CCDC171: variants seen among roughly 807,000 people sequenced by gnomAD.
The protein encoded by CCDC171 is coiled-coil domain containing 171.
In CCDC171, 177 loss-of-function variants were observed where a neutral mutation model predicts 168.2. That is an observed-to-expected ratio of 1.05 (90% confidence interval 0.93 to 1.19). The LOEUF is 1.19. CCDC171 is among the 50% of genes most tolerant of loss of function. The probability of loss-of-function intolerance (pLI) is 0.00; values close to 1 mark genes in which losing one functional copy is unlikely to be tolerated. For synonymous variants in CCDC171, 687 were observed against 540.8 expected, an observed-to-expected ratio of 1.27 and a Z score of -3.75; for missense variants, 1,991 against 1,539.0, an observed-to-expected ratio of 1.29 and a Z score of -4.91.
At chr9:15,918,666 G>A (rs1432140641) in intron 24 of CCDC171, among the ~76,000 whole-genome samples, 1 of 151,630 alleles carries the variant, frequency 6.6e-6, no homozygotes. Flanking sequence ...TCCCAGGTAA[G>A]AAGTCATATA....
At chr9:16,036,071 A>T (rs1055205673) in intron 7 of CCDC171, 2 of 152,170 alleles carry the variant, frequency 1.3e-5, no homozygotes, top group African/African-American at 4.8e-5. Flanking sequence ...TCCTCTAATG[A>T]TCACTTCTTC....
intron 24 of CCDC171, among the ~76,000 whole-genome samples, chr9:15,888,672 G>A (rs1819768295): frequency 1.3e-5 from 2 of 151,986 alleles, no homozygotes; most frequent in Non-Finnish European, 2.9e-5. Context: ...AGTAAAATAT[G>A]ACCCTATAGA....
intron 21 of CCDC171, among the ~76,000 whole-genome samples, chr9:15,785,140 G>T (rs1034826349): frequency 6.6e-6 from 1 of 152,058 alleles, no homozygotes; most frequent in African/African-American, 2.4e-5. Flanking sequence ...GGTTTGGTTA[G>T]AAAGAGTTGT....
chr9:16,027,935 C>T (rs1481724235), intron 6 of CCDC171, among the ~76,000 whole-genome samples: 3 of 152,138 alleles, frequency 2.0e-5, no homozygotes, highest in Admixed American at 6.5e-5. Context: ...TATATCTTCC[C>T]ATATTATTTC....
chr9:15,716,621 T>G (rs1192596430), intron 11 of CCDC171, among the ~76,000 whole-genome samples: 2 of 152,146 alleles, frequency 1.3e-5, no homozygotes, highest in Non-Finnish European at 2.9e-5. Flanking sequence ...TTCTTACAGT[T>G]CTGGAGGCTG....
chr9:15,779,617 C>G (rs1025879629), intron 20 of CCDC171, among the ~76,000 whole-genome samples: 16 of 152,318 alleles, frequency 1.1e-4, no homozygotes, highest in Middle Eastern at 6.8e-3. Flanking sequence ...ACCTCAGCCT[C>G]CCAAAGTGCT....
rs758652593 is a variant in CCDC171 at position 15,874,599 on chromosome 9, A to G, written c.3536A>G (p.Lys1179Arg). 6.2e-6 allele frequency: 10 copies of G among 1,607,206 alleles called. No homozygotes were observed. Among genetic ancestry groups the G allele is most frequent in the Middle Eastern group, 3.3e-4 (2 of 6,026 alleles). ...SRNDFTLQLP[K>R]LHLETFAMEG... ...AATGACTTCACCCTACAGCTACCCAAACTGCACCTGGAGACCTTTGCAATG... is the reference window on the plus strand; with the variant it reads ...AATGACTTCACCCTACAGCTACCCAGACTGCACCTGGAGACCTTTGCAATG... Residue 1179 changes from lysine (K) to arginine (R), a missense_variant, in exon 24 of 26, where the codon AAA (lysine) becomes AGA (arginine). By Grantham distance (26) the Lys-to-Arg change is conservative (BLOSUM62 2). Coordinates refer to ENST00000380701, the MANE Select transcript of CCDC171 (RefSeq NM_173550.4).
At chr9:16,087,744 C>A in the CCDC171 span, among the ~76,000 whole-genome samples, 8 of 151,938 alleles carry the variant, frequency 5.3e-5, no homozygotes, top group Non-Finnish European at 1.5e-5. Flanking sequence ...AGCCCATTTA[C>A]ATTTAAGGTT....
intron 16 of CCDC171, among the ~76,000 whole-genome samples, chr9:15,730,183 C>G (rs1177874275): frequency 6.6e-6 from 1 of 151,312 alleles, no homozygotes; most frequent in Non-Finnish European, 1.5e-5. Context: ...GTGGAGGTTC[C>G]TATGTGAACC....
chr9:16,036,528 C>T (rs1418837489), intron 8 of CCDC171, among the ~76,000 whole-genome samples: 1 of 152,196 alleles, frequency 6.6e-6, no homozygotes, highest in South Asian at 2.1e-4. Context: ...CCTGTAGTCC[C>T]AGCTACTCAG....
chr9:15,583,348 G>T (rs1431577514), intron 4 of CCDC171, among the ~76,000 whole-genome samples: 2 of 147,354 alleles, frequency 1.4e-5, no homozygotes, highest in Admixed American at 7.0e-5. Flanking sequence ...GGAGGCAGAG[G>T]TTGCAGTGAG....
intron 23 of CCDC171, among the ~76,000 whole-genome samples, chr9:15,863,570 G>T (rs1210837789): frequency 6.6e-6 from 1 of 151,220 alleles, no homozygotes; most frequent in Non-Finnish European, 1.5e-5. Flanking sequence ...TTTATATTTT[G>T]CTTCTTTTTT....
intron 23 of CCDC171, among the ~76,000 whole-genome samples, chr9:15,852,252 A>C (rs79844979): frequency 6.6e-6 from 1 of 151,722 alleles, no homozygotes; most frequent in Admixed American, 6.6e-5. Context: ...TGTTAGTTTC[A>C]ATTTTTGTTA....
chr9:15,713,454 C>A (rs2052834896), intron 11 of CCDC171, among the ~76,000 whole-genome samples: 1 of 152,040 alleles, frequency 6.6e-6, no homozygotes, highest in South Asian at 2.1e-4. Flanking sequence ...CTTATTTGTG[C>A]CTTCGGGACT....
In CCDC171 at chr9:15,969,595, C is replaced by G. The variant is rs1288465347; in HGVS notation, c.3754-2014C>G. ...CATACATAGTTTTCTTAGACCAGAACTTGAAGTATAAAGATGTATCAAAAC... is the reference window on the plus strand; with the variant it reads ...CATACATAGTTTTCTTAGACCAGAAGTTGAAGTATAAAGATGTATCAAAAC... On this transcript the variant is annotated intron_variant, in intron 25 of 25. Transcript: ENST00000380701. Among the ~76,000 whole-genome samples, 2 of 152,108 alleles carry G rather than the reference C, an allele frequency of 1.3e-5. 1 individual carries two copies. Among genetic ancestry groups the G allele is most frequent in the Admixed American group, 1.3e-4 (2 of 15,260 alleles).
At chr9:15,947,350 T>A (rs1828528779) in intron 25 of CCDC171, among the ~76,000 whole-genome samples, 1 of 151,948 alleles carries the variant, frequency 6.6e-6, no homozygotes, top group Non-Finnish European at 1.5e-5. Context: ...AAACAGTAAT[T>A]TCCCATTTCC....
chr9:15,561,204 G>T (rs887775727), intron 1 of CCDC171, among the ~76,000 whole-genome samples: 3 of 152,180 alleles, frequency 2.0e-5, no homozygotes, highest in African/African-American at 7.2e-5. Flanking sequence ...TGGGGTTGGT[G>T]TAGAGTGAAA....
intron 3 of CCDC171, among the ~76,000 whole-genome samples, chr9:15,988,936 C>A (rs929993753): frequency 6.6e-6 from 1 of 152,086 alleles, no homozygotes; most frequent in African/African-American, 2.4e-5. Context: ...CCGGGAAGCT[C>A]GAACTGGGTG....
rs992824929 is a variant in CCDC171 at position 16,002,121 on chromosome 9, C to T, written n.369-18468C>T. ...GGAATTACAGGCATGAGTCACCATG[C>T]CCAGCCTACTATCATTTTTTTTTTT... On this transcript the variant is annotated intron_variant and non_coding_transcript_variant, in intron 3 of 9. Transcript: ENST00000486641. 3.4e-5 allele frequency among the ~76,000 whole-genome samples: 5 copies of T among 145,028 alleles called. No homozygotes were observed. In the Middle Eastern group the frequency reaches 0.011, roughly 309 times the overall value.
Sources: allele counts gnomAD v4.1 joint callset (sites outside exome capture counted in the v4.1 genomes callset), GRCh38; gene constraint gnomAD v4.1.1; transcripts MANE v1.5; gene names NCBI Gene and HGNC (gene_info 2026-07-23, HGNC 2026-07-21).